PTP4A3: variants seen among roughly 807,000 people sequenced by gnomAD.
PTP4A3 encodes protein tyrosine phosphatase type IVA 3.
A neutral mutation model predicts 15.2 loss-of-function variants in PTP4A3; 9 were observed. The ratio of observed to expected loss-of-function variants is 0.59; its 90% confidence interval spans 0.36 to 1.03. The LOEUF is 1.03. Among genes scored for constraint, PTP4A3 ranks in the 50% least tolerant of loss-of-function variants. The pLI, the probability that PTP4A3 is intolerant of heterozygous loss-of-function variation, is 0.02. For synonymous variants in PTP4A3, 95 were observed against 102.0 expected, an observed-to-expected ratio of 0.93 and a Z score of 0.41; for missense variants, 234 against 252.1, an observed-to-expected ratio of 0.93 and a Z score of 0.49.
chr8:141,398,879 C>T (rs1390362884), intron 1 of PTP4A3, among the ~76,000 whole-genome samples: 3 of 152,100 alleles, frequency 2.0e-5, no homozygotes, highest in Non-Finnish European at 4.4e-5. Context: ...GAGCCTGTTC[C>T]CACGGCCTCG....
chr8:141,392,232 G>A (rs1342494043), intron 1 of PTP4A3, 148 bp downstream of exon 1: 1 of 151,414 alleles, frequency 6.6e-6, no homozygotes, highest in East Asian at 1.9e-4. Context: ...CCCCCTGCCC[G>A]CGCGTCCCGG....
At chr8:141,427,101 G>A (rs1833611479) in intron 4 of PTP4A3, 32 bp downstream of exon 4, 3 of 1,586,504 alleles carry the variant, frequency 1.9e-6, no homozygotes, top group Non-Finnish European at 2.6e-6. Context: ...GGCTCGCCAT[G>A]TCAGGTGGTT....
At chr8:141,403,454 C>A (rs1832647965) in intron 1 of PTP4A3, among the ~76,000 whole-genome samples, 1 of 152,324 alleles carries the variant, frequency 6.6e-6, no homozygotes, top group East Asian at 1.9e-4. Flanking sequence ...TACAGTAAGT[C>A]CTCACATCAC....
At chr8:141,413,153 G>C (rs1832914096) in intron 1 of PTP4A3, among the ~76,000 whole-genome samples, 2 of 152,210 alleles carry the variant, frequency 1.3e-5, no homozygotes, top group African/African-American at 4.8e-5. Context: ...GGCTGTGCCT[G>C]GTGTGCCAGG....
rs1833505701 is a variant in PTP4A3 at position 141,425,101 on chromosome 8, T to C, written c.159T>C (p.Tyr53=). 1 of 1,599,222 alleles carries C rather than the reference T, an allele frequency of 6.3e-7. No homozygotes were observed. Among genetic ancestry groups the C allele is most frequent in the East Asian group, 2.3e-5 (1 of 43,910 alleles). ...TTVVRVCEVT[Y]DKTPLEKDGI... ...TGGTGCGTGTGTGTGAAGTGACCTA[T>C]GACAAAACGCCGCTGGAGAAGGATG... is the stretch of plus-strand genomic sequence containing the variant. Residue 53 remains tyrosine (Y), a synonymous_variant, in exon 3 of 6, where the codon TAT becomes TAC. Coordinates refer to ENST00000521578, the MANE Select transcript of PTP4A3 (RefSeq NM_032611.3). The surrounding 1 kb of genome is among the most constrained non-coding windows in gnomAD (Gnocchi z 4.2).
At chr8:141,401,677 C>G (rs900712568) in intron 1 of PTP4A3, among the ~76,000 whole-genome samples, 1 of 152,164 alleles carries the variant, frequency 6.6e-6, no homozygotes. Context: ...AGGGCCGTCC[C>G]GAGGGGCCCC....
chr8:141,425,392 G>A lies in PTP4A3; in HGVS notation c.198+252G>A, dbSNP rs925058437. Among the ~76,000 whole-genome samples the A allele has an allele frequency of 6.6e-6, 1 of 152,140 alleles. No homozygotes were observed. Among genetic ancestry groups the A allele is most frequent in the Non-Finnish European group, 1.5e-5 (1 of 68,002 alleles). ...GGGCCAGCACGGTTCGCCAGGCAGGGGTGGCACATGCTTGGTGCATCGGCC... is the reference window on the plus strand; with the variant it reads ...GGGCCAGCACGGTTCGCCAGGCAGGAGTGGCACATGCTTGGTGCATCGGCC... On this transcript the variant is annotated intron_variant, in intron 3 of 5. Transcript: ENST00000521578. The surrounding 1 kb of genome is among the most constrained non-coding windows in gnomAD (Gnocchi z 4.2).
At position 141,399,173 on chromosome 8, in the gene PTP4A3, A is replaced by G. The variant is rs149081656; in HGVS notation, c.-854+7089A>G. Among the ~76,000 whole-genome samples the G allele has an allele frequency of 6.3e-3, 953 of 150,946 alleles. 14 individuals are homozygous for G. Among genetic ancestry groups the G allele is most frequent in the African/African-American group, 0.022 (906 of 40,960 alleles). Reference sequence around the variant, plus strand: ...CACGGTGTGCTTTACCTGCTCATCCACTCCGCCCTTGCCCCTAGAGCCGGT... The same window carrying G: ...CACGGTGTGCTTTACCTGCTCATCCGCTCCGCCCTTGCCCCTAGAGCCGGT... On this transcript the variant is annotated intron_variant, in intron 1 of 5. Transcript: ENST00000521578.
intron 1 of PTP4A3, among the ~76,000 whole-genome samples, chr8:141,407,128 C>T (rs1832750048): frequency 6.6e-6 from 1 of 152,206 alleles, no homozygotes; most frequent in Non-Finnish European, 1.5e-5. Context: ...CAGCCTGGCA[C>T]AGCCCGGACA....
Position 141,427,108 on chromosome 8 carries a change from G to A in PTP4A3, c.329+39G>A, listed in dbSNP as rs767154299. 1.0e-5 allele frequency: 16 copies of A among 1,583,532 alleles called. No homozygotes were observed. In the Admixed American group the frequency reaches 2.6e-4, roughly 25 times the overall value. ...CGGGGTAGGGCTCGCCATGTCAGGT[G>A]GTTGGGCATCTCGTGGTCTGACAGC... is the stretch of plus-strand genomic sequence containing the variant. On this transcript the variant is annotated intron_variant, in intron 4 of 5. Coordinates refer to ENST00000521578, the MANE Select transcript of PTP4A3 (RefSeq NM_032611.3).
chr8:141,427,100 T>A, intron 4 of PTP4A3, 31 bp downstream of exon 4: 1 of 1,586,310 alleles, frequency 6.3e-7, no homozygotes, highest in Non-Finnish European at 8.5e-7. Flanking sequence ...GGGCTCGCCA[T>A]GTCAGGTGGT....
chr8:141,403,611 C>T (rs1832650979), intron 1 of PTP4A3, among the ~76,000 whole-genome samples: 1 of 152,226 alleles, frequency 6.6e-6, no homozygotes, highest in Non-Finnish European at 1.5e-5. Context: ...GTCACAAAAA[C>T]GTCACCAGGC....
intron 2 of PTP4A3, among the ~76,000 whole-genome samples, chr8:141,423,537 AGT>A (rs1159201453): frequency 1.0e-4 from 15 of 148,132 alleles, no homozygotes; most frequent in African/African-American, 3.0e-4. Context: ...GTTGAGGCTC[AGT>A]GTGTGTCCAG....
At chr8:141,426,771 C>T in intron 3 of PTP4A3, 168 bp from the exon 4 acceptor site, 1 of 916,932 alleles carries the variant, frequency 1.1e-6, no homozygotes, top group African/African-American at 1.8e-5. Flanking sequence ...CATGGGGTGC[C>T]CATAGGCAAG....
Position 141,426,940 on chromosome 8 carries a change from A to C in PTP4A3, c.200A>C (p.Asp67Ala). The C allele has an allele frequency of 5.0e-6, 8 of 1,610,996 alleles. No homozygotes were observed. Among genetic ancestry groups the C allele is most frequent in the Non-Finnish European group, 6.8e-6 (8 of 1,179,718 alleles). The change falls in exon 4 of 6, where the codon GAC becomes GCC. Residue 67 changes from aspartate (D) to alanine (A), a missense_variant and splice_region_variant. Physicochemically the swap from Asp to Ala is moderately radical, Grantham distance 126. Transcript: ENST00000521578. Reference sequence around the variant, plus strand: ...CCTCATGTCTGCTTCCCTCCGTAGGACTGGCCGTTTGACGATGGGGCGCCC... The same window carrying C: ...CCTCATGTCTGCTTCCCTCCGTAGGCCTGGCCGTTTGACGATGGGGCGCCC... The part of the protein sequence containing the change: ...PLEKDGITVV[D>A]WPFDDGAPPP...
chr8:141,428,574 C>T (rs1482620275), intron 5 of PTP4A3, among the ~76,000 whole-genome samples: 1 of 152,164 alleles, frequency 6.6e-6, no homozygotes, highest in Non-Finnish European at 1.5e-5. Flanking sequence ...CAGGCTTGTT[C>T]CCAGCCATGC....
chr8:141,410,502 G>C (rs919005244), intron 1 of PTP4A3, among the ~76,000 whole-genome samples: 1 of 152,220 alleles, frequency 6.6e-6, no homozygotes, highest in Non-Finnish European at 1.5e-5. Flanking sequence ...TGGGGCGCTC[G>C]GTGTCCTCAC....
Position 141,422,259 on chromosome 8 carries a change from C to A in PTP4A3, c.19C>A (p.Pro7Thr). 11 of 1,613,062 alleles carry A rather than the reference C, an allele frequency of 6.8e-6. No homozygotes were observed. The highest frequency in any genetic ancestry group is 9.3e-6 in the Non-Finnish European group (11 of 1,179,996). MARMNR[P>T]APVEVSYKHM... ...AGGCGCCATGGCTCGGATGAACCGC[C>A]CGGCCCCGGTGGAGGTGAGCTACAA... Residue 7 changes from proline (P) to threonine (T), a missense_variant, in exon 2 of 6, where the codon CCG (proline) becomes ACG (threonine). Pro to Thr is a conservative substitution (Grantham distance 38). Transcript: ENST00000521578.
At chr8:141,395,237 C>T (rs1384908764) in intron 1 of PTP4A3, among the ~76,000 whole-genome samples, 1 of 152,240 alleles carries the variant, frequency 6.6e-6, no homozygotes, top group Non-Finnish European at 1.5e-5. Flanking sequence ...CTTGGGGCGC[C>T]TCAGGTCAGG....
Sources: allele counts gnomAD v4.1 joint callset (sites outside exome capture counted in the v4.1 genomes callset), GRCh38; gene constraint gnomAD v4.1.1; non-coding constraint Gnocchi (gnomAD v3.1); transcripts MANE v1.5; gene names NCBI Gene and HGNC (gene_info 2026-07-23, HGNC 2026-07-21).